Variants in KCNE5 observed in about 807,000 individuals in gnomAD.
KCNE5 encodes potassium voltage-gated channel subfamily E regulatory beta subunit 5.
For synonymous variants in KCNE5, 65 were observed against 62.3 expected, an observed-to-expected ratio of 1.04 and a Z score of -0.20; for missense variants, 131 against 132.9, an observed-to-expected ratio of 0.99 and a Z score of 0.07.
Position 109,624,768 on chromosome X carries a change from G to A in KCNE5, c.253C>T (p.Arg85Cys). 8.3e-7 allele frequency: 1 copy of A among 1,211,952 alleles called. No individual in the cohort carries two copies. Among genetic ancestry groups the A allele is most frequent in the Non-Finnish European group, 1.1e-6 (1 of 895,356 alleles). The change falls in exon 1 of 1, where the codon CGT (arginine) becomes TGT (cysteine). Residue 85 changes from arginine (R) to cysteine (C), a missense_variant. Physicochemically the swap from Arg to Cys is radical, Grantham distance 180 (BLOSUM62 -3). Coordinates refer to ENST00000372101, the MANE Select transcript of KCNE5 (RefSeq NM_012282.4). ...GGLILAYTRS[R>C]KLVEAKDEPS... ...TCGTCCTTGGCCTCGACGAGCTTAC[G>A]GGAGCGGGTGTAGGCCAGGATGAGG... is the stretch of plus-strand genomic sequence containing the variant.
In KCNE5 at chrX:109,624,912, T is replaced by A. The variant is rs774843309; in HGVS notation, c.109A>T (p.Met37Leu). The A allele has an allele frequency of 1.7e-6, 2 of 1,206,114 alleles. No homozygotes were observed. Among genetic ancestry groups the A allele is most frequent in the African/African-American group, 3.5e-5 (2 of 57,483 alleles). The change falls in exon 1 of 1, where the codon ATG (methionine) becomes TTG (leucine). Residue 37 changes from methionine to leucine, a missense_variant. Transcript: ENST00000372101. ...GGGTCAGGCACGACCCCCATGCCCA[T>A]GCTGGGACGAGGGCCAGCGCCCAAG... The part of the protein sequence containing the change: ...SGLGAGPRPS[M>L]GMGVVPDPFV...
chrX:109,624,685 G>C lies in KCNE5; in HGVS notation c.336C>G (p.Asp112Glu), dbSNP rs72548778. ...EWAPGGALTA[D>E]AEAAAGSQAE... Reference sequence around the variant, plus strand: ...CCTGGGAGCCCGCGGCAGCCTCGGCGTCGGCGGTCAGGGCGCCTCCCGGGG... The same window carrying C: ...CCTGGGAGCCCGCGGCAGCCTCGGCCTCGGCGGTCAGGGCGCCTCCCGGGG... Residue 112 changes from aspartate (D) to glutamate (E), a missense_variant, in exon 1 of 1, where the codon GAC becomes GAG. Physicochemically the swap from Asp to Glu is conservative, Grantham distance 45. Coordinates refer to ENST00000372101, the MANE Select transcript of KCNE5 (RefSeq NM_012282.4). 1 of 1,182,398 alleles carries C rather than the reference G, an allele frequency of 8.5e-7. No individual in the cohort carries two copies. The highest frequency in any genetic ancestry group is 3.1e-5 in the East Asian group (1 of 31,868).
chrX:109,624,799 G>C lies in KCNE5; in HGVS notation c.222C>G (p.Ala74=), dbSNP rs777519077. The change falls in exon 1 of 1, where the codon GCC becomes GCG. Residue 74 remains alanine (A), a synonymous_variant. Coordinates refer to ENST00000372101, the MANE Select transcript of KCNE5 (RefSeq NM_012282.4). ...GGGTGTAGGCCAGGATGAGGCCTCC[G>C]GCCAAGCAGGCGTAGAAGATCATGA... ...LLIMIFYACL[A]GGLILAYTRS... is the part of the protein sequence containing the mutation. 8.3e-7 allele frequency: 1 copy of C among 1,211,191 alleles called. No homozygotes were observed. The highest frequency in any genetic ancestry group is 1.7e-5 in the African/African-American group (1 of 57,678).
rs746362875 is a variant in KCNE5 at position 109,625,119 on chromosome X, C to T, written c.-99G>A. 37 of 979,365 alleles carry T rather than the reference C, an allele frequency of 3.8e-5. No homozygotes were observed. In the South Asian group the frequency reaches 6.4e-4, roughly 17 times the overall value. 80.7% of individuals were successfully genotyped at this position (979,365 alleles called of 1,213,427 possible). A position where few individuals can be genotyped will look rare whatever the true frequency, so the allele number is the denominator to read the frequency against. On this transcript the variant is annotated 5_prime_UTR_variant, in exon 1 of 1. Coordinates refer to ENST00000372101, the MANE Select transcript of KCNE5 (RefSeq NM_012282.4). ...CGAGCGGGCCGGCCGGCGGGCAGGG[C>T]TCAGCAGCGGAAACAGCGGTAGCAC...
In KCNE5 at chrX:109,624,451, A is replaced by G. The variant is rs1045350721; in HGVS notation, c.*141T>C. 5 of 548,534 alleles carry G rather than the reference A, an allele frequency of 9.1e-6. No individual in the cohort carries two copies. The Admixed American group carries it at 1.5e-4, about 17-fold the overall frequency. 45.2% of individuals were successfully genotyped at this position (548,534 alleles called of 1,213,427 possible). ...TGCTTCTCCTTCCAGGGCCTTCCAG[A>G]CAAGGTCTCCTGGCCTCTCACCATT... On this transcript the variant is annotated 3_prime_UTR_variant, in exon 1 of 1. Transcript: ENST00000372101.
In KCNE5 at chrX:109,624,724, G is replaced by A; in HGVS notation, c.297C>T (p.Ala99=). The change falls in exon 1 of 1, where the codon GCC becomes GCT. Residue 99 remains alanine (A), a synonymous_variant. Coordinates refer to ENST00000372101, the MANE Select transcript of KCNE5 (RefSeq NM_012282.4). ...CGCCTCCCGGGGCCCATTCGTGCTC[G>A]GCGCAAGCCTGGGACGGCTCGTCCT... The part of the protein sequence containing the change: ...EAKDEPSQAC[A]EHEWAPGGAL... 8.3e-7 allele frequency: 1 copy of A among 1,207,262 alleles called. No homozygotes were observed. Among genetic ancestry groups the A allele is most frequent in the Non-Finnish European group, 1.1e-6 (1 of 893,246 alleles).
chrX:109,624,633 C>A lies in KCNE5; in HGVS notation c.388G>T (p.Glu130Ter), dbSNP rs1934260056. 3.5e-6 allele frequency: 4 copies of A among 1,145,856 alleles called. 1 individual carries two copies. The highest frequency in any genetic ancestry group is 5.3e-4 in the Middle Eastern group (2 of 3,793). 94.4% of individuals were successfully genotyped at this position (1,145,856 alleles called of 1,213,427 possible). A position where few individuals can be genotyped will look rare whatever the true frequency, so the allele number is the denominator to read the frequency against. The part of the protein sequence containing the change: ...QAEGRRQLAS[E>*]GLPALAQGAE... ...CCCTGGGCGAGGGCAGGCAGCCCCT[C>A]GGAGGCAAGCTGGCGGCGGCCCTCG... Residue 130 changes from glutamate (E) to a stop codon, truncating the protein, a stop_gained, in exon 1 of 1, where the codon GAG becomes TAG. Coordinates refer to ENST00000372101, the MANE Select transcript of KCNE5 (RefSeq NM_012282.4). LOFTEE classifies it high-confidence loss of function.
In KCNE5 at chrX:109,624,588, G is replaced by A. The variant is rs748004704; in HGVS notation, c.*4C>T. 9.1e-7 allele frequency: 1 copy of A among 1,099,582 alleles called. No individual in the cohort carries two copies. The highest frequency in any genetic ancestry group is 1.2e-6 in the Non-Finnish European group (1 of 845,193). The allele number at this position is 1,099,582 out of a possible 1,213,427, so 90.6% of individuals were successfully genotyped here. A position where few individuals can be genotyped will look rare whatever the true frequency, so the allele number is the denominator to read the frequency against. On this transcript the variant is annotated 3_prime_UTR_variant, in exon 1 of 1. Coordinates refer to ENST00000372101, the MANE Select transcript of KCNE5 (RefSeq NM_012282.4). ...GCGCGAACCAGCAATCTGGGGCTGT[G>A]GTTTTAGACCCGCTCAGCGCCCTGG...
chrX:109,624,799 G>A lies in KCNE5; in HGVS notation c.222C>T (p.Ala74=), dbSNP rs777519077. ...GGGTGTAGGCCAGGATGAGGCCTCC[G>A]GCCAAGCAGGCGTAGAAGATCATGA... ...LLIMIFYACL[A]GGLILAYTRS... Residue 74 remains alanine, a synonymous_variant, in exon 1 of 1, where the codon GCC becomes GCT. Transcript: ENST00000372101. The A allele has an allele frequency of 1.7e-6, 2 of 1,212,109 alleles. No individual in the cohort carries two copies. Among genetic ancestry groups the A allele is most frequent in the South Asian group, 1.8e-5 (1 of 57,063 alleles).
chrX:109,624,561 G>A lies in KCNE5; in HGVS notation c.*31C>T. On this transcript the variant is annotated 3_prime_UTR_variant, in exon 1 of 1. Coordinates refer to ENST00000372101, the MANE Select transcript of KCNE5 (RefSeq NM_012282.4). ...CGCCCAGGGATGAGCGAGATGAGGA[G>A]GGCGCGAACCAGCAATCTGGGGCTG... is the stretch of plus-strand genomic sequence containing the variant. 9.3e-7 allele frequency: 1 copy of A among 1,075,899 alleles called. No individual in the cohort carries two copies. The highest frequency in any genetic ancestry group is 1.2e-6 in the Non-Finnish European group (1 of 830,261). The allele number at this position is 1,075,899 out of a possible 1,213,427, so 88.7% of individuals were successfully genotyped here. A position where few individuals can be genotyped will look rare whatever the true frequency, so the allele number is the denominator to read the frequency against.
chrX:109,625,095 G>A lies in KCNE5; in HGVS notation c.-75C>T. The A allele has an allele frequency of 7.4e-6, 8 of 1,083,979 alleles. No homozygotes were observed. The highest frequency in any genetic ancestry group is 3.3e-5 in the East Asian group (1 of 30,428). 89.3% of individuals were successfully genotyped at this position (1,083,979 alleles called of 1,213,427 possible). A position where few individuals can be genotyped will look rare whatever the true frequency, so the allele number is the denominator to read the frequency against. On this transcript the variant is annotated 5_prime_UTR_variant, in exon 1 of 1. Coordinates refer to ENST00000372101, the MANE Select transcript of KCNE5 (RefSeq NM_012282.4). ...CCTGGGCGAGGGGAAGCGAGCTAGC[G>A]AGCGGGCCGGCCGGCGGGCAGGGCT...
chrX:109,624,909 C>A lies in KCNE5; in HGVS notation c.112G>T (p.Gly38Cys). ...AAAGGGTCAGGCACGACCCCCATGC[C>A]CATGCTGGGACGAGGGCCAGCGCCC... is the stretch of plus-strand genomic sequence containing the variant. ...GLGAGPRPSM[G>C]MGVVPDPFVG... is the part of the protein sequence containing the mutation. Residue 38 changes from glycine (G) to cysteine (C), a missense_variant, in exon 1 of 1, where the codon GGC (glycine) becomes TGC (cysteine). Gly to Cys is a radical substitution (Grantham distance 159). Transcript: ENST00000372101. 8.3e-7 allele frequency: 1 copy of A among 1,209,987 alleles called. No homozygotes were observed. Among genetic ancestry groups the A allele is most frequent in the Admixed American group, 2.2e-5 (1 of 46,127 alleles).
chrX:109,623,839 T>C lies in KCNE5; in HGVS notation c.*753A>G, dbSNP rs1934248102. On this transcript the variant is annotated 3_prime_UTR_variant, in exon 1 of 1. Coordinates refer to ENST00000372101, the MANE Select transcript of KCNE5 (RefSeq NM_012282.4). ...TCAATAGAGGAGAGGCATTTGGAAG[T>C]ACTGGGGTGATACACCCAGTAATGG... 8.9e-6 allele frequency: 1 copy of C among 111,875 alleles called. No homozygotes were observed. The highest frequency in any genetic ancestry group is 1.9e-5 in the Non-Finnish European group (1 of 53,175). 9.2% of individuals were successfully genotyped at this position (111,875 alleles called of 1,213,427 possible). A position where few individuals can be genotyped will look rare whatever the true frequency, so the allele number is the denominator to read the frequency against.
At position 109,624,260 on chromosome X, in the gene KCNE5, T is replaced by G. The variant is rs779642923; in HGVS notation, c.*332A>C. 13 of 227,859 alleles carry G rather than the reference T, an allele frequency of 5.7e-5. No homozygotes were observed. Among genetic ancestry groups the G allele is most frequent in the Middle Eastern group, 1.3e-3 (1 of 786 alleles). 18.8% of individuals were successfully genotyped at this position (227,859 alleles called of 1,213,427 possible). A position where few individuals can be genotyped will look rare whatever the true frequency, so the allele number is the denominator to read the frequency against. ...GATAGAATGCATTGCTTCAGTTCAG[T>G]GCCAAGTGTTGGACGTGTTGGATTC... On this transcript the variant is annotated 3_prime_UTR_variant, in exon 1 of 1. Coordinates refer to ENST00000372101, the MANE Select transcript of KCNE5 (RefSeq NM_012282.4).
At position 109,625,147 on chromosome X, in the gene KCNE5, A is replaced by C. The variant is rs1394040860; in HGVS notation, c.-127T>G. On this transcript the variant is annotated 5_prime_UTR_variant, in exon 1 of 1. Coordinates refer to ENST00000372101, the MANE Select transcript of KCNE5 (RefSeq NM_012282.4). The stretch of plus-strand genomic sequence containing the variant: ...AGCAGCGGAAACAGCGGTAGCACCC[A>C]GCTCTCCGGCGAGCGCGCAGTGGCT... 3 of 789,756 alleles carry C rather than the reference A, an allele frequency of 3.8e-6. No homozygotes were observed. The African/African-American group carries it at 6.2e-5, about 16-fold the overall frequency. The allele number at this position is 789,756 out of a possible 1,213,427, so 65.1% of individuals were successfully genotyped here.
In KCNE5 at chrX:109,624,512, G is replaced by T; in HGVS notation, c.*80C>A. The T allele has an allele frequency of 4.4e-6, 4 of 904,443 alleles. No individual in the cohort carries two copies. Among genetic ancestry groups the T allele is most frequent in the Non-Finnish European group, 5.8e-6 (4 of 685,919 alleles). 74.5% of individuals were successfully genotyped at this position (904,443 alleles called of 1,213,427 possible). On this transcript the variant is annotated 3_prime_UTR_variant, in exon 1 of 1. Transcript: ENST00000372101. ...CAGATGAGGCGAACCCTGGAAGGGA[G>T]TTGGGGGTGGAAGGTGGGAGGCGCG...
chrX:109,625,141 G>T lies in KCNE5; in HGVS notation c.-121C>A. ...GGGCTCAGCAGCGGAAACAGCGGTA[G>T]CACCCAGCTCTCCGGCGAGCGCGCA... On this transcript the variant is annotated 5_prime_UTR_variant, in exon 1 of 1. Coordinates refer to ENST00000372101, the MANE Select transcript of KCNE5 (RefSeq NM_012282.4). 1 of 824,662 alleles carries T rather than the reference G, an allele frequency of 1.2e-6. No homozygotes were observed. The highest frequency in any genetic ancestry group is 1.8e-6 in the Non-Finnish European group (1 of 570,951). The allele number at this position is 824,662 out of a possible 1,213,427, so 68.0% of individuals were successfully genotyped here.
In KCNE5 at chrX:109,624,518, G is replaced by T; in HGVS notation, c.*74C>A. ...AGGCGAACCCTGGAAGGGAGTTGGG[G>T]GTGGAAGGTGGGAGGCGCGCCCAGG... On this transcript the variant is annotated 3_prime_UTR_variant, in exon 1 of 1. Transcript: ENST00000372101. 3.2e-6 allele frequency: 3 copies of T among 928,297 alleles called. No individual in the cohort carries two copies. Among genetic ancestry groups the T allele is most frequent in the Non-Finnish European group, 4.2e-6 (3 of 706,854 alleles). 76.5% of individuals were successfully genotyped at this position (928,297 alleles called of 1,213,427 possible).
Position 109,625,160 on chromosome X carries a change from G to T in KCNE5, c.-140C>A. 1.4e-6 allele frequency: 1 copy of T among 689,659 alleles called. No homozygotes were observed. Among genetic ancestry groups the T allele is most frequent in the Non-Finnish European group, 2.2e-6 (1 of 455,178 alleles). The allele number at this position is 689,659 out of a possible 1,213,427, so 56.8% of individuals were successfully genotyped here. A position where few individuals can be genotyped will look rare whatever the true frequency, so the allele number is the denominator to read the frequency against. Reference sequence around the variant, plus strand: ...GCGGTAGCACCCAGCTCTCCGGCGAGCGCGCAGTGGCTGGGGGCGCCGACG... The same window carrying T: ...GCGGTAGCACCCAGCTCTCCGGCGATCGCGCAGTGGCTGGGGGCGCCGACG... On this transcript the variant is annotated 5_prime_UTR_variant, in exon 1 of 1. Transcript: ENST00000372101.
Sources: allele counts gnomAD v4.1 joint callset, GRCh38; gene constraint gnomAD v4.1.1; transcripts MANE v1.5; gene names NCBI Gene and HGNC (gene_info 2026-07-23, HGNC 2026-07-21).